MINPP1: variants seen among roughly 807,000 people sequenced by gnomAD.
MINPP1 encodes the protein multiple inositol-polyphosphate phosphatase 1.
A neutral mutation model predicts 46.1 loss-of-function variants in MINPP1; 28 were observed. The ratio of observed to expected loss-of-function variants is 0.61; its 90% CI spans 0.45 to 0.83. MINPP1 has a LOEUF of 0.83. Ranked by LOEUF, MINPP1 falls within the 40% of genes least tolerant of loss-of-function variation. The pLI is 0.00. For synonymous variants in MINPP1, 268 were observed against 249.1 expected, an observed-to-expected ratio of 1.08 and a Z score of -0.72; for missense variants, 603 against 610.0, an observed-to-expected ratio of 0.99 and a Z score of 0.12.
intron 4 of MINPP1, among the ~76,000 whole-genome samples, chr10:87,534,350 A>G (rs1851703873): frequency 6.6e-6 from 1 of 152,170 alleles, no homozygotes; most frequent in Non-Finnish European, 1.5e-5. Flanking sequence ...GGGGTGAGCC[A>G]CAGTGCCCGG....
At chr10:87,546,828 GC>G (rs974328749) in intron 4 of MINPP1, 26 of 152,228 alleles carry the variant, frequency 1.7e-4, no homozygotes, top group African/African-American at 6.0e-4. Flanking sequence ...TACTTGGGAG[GC>G]CTACGTGGGA....
intron 4 of MINPP1, among the ~76,000 whole-genome samples, chr10:87,528,696 G>A (rs1368784595): frequency 1.3e-5 from 2 of 152,178 alleles, no homozygotes; most frequent in Non-Finnish European, 2.9e-5. Flanking sequence ...TTGATTTGGG[G>A]TGGAGAGTTC....
chr10:87,508,936 G>A (rs1412138987), intron 2 of MINPP1, among the ~76,000 whole-genome samples: 3 of 152,114 alleles, frequency 2.0e-5, no homozygotes, highest in Non-Finnish European at 4.4e-5. Context: ...GTGTAAGAGG[G>A]GTAAGTTTTA....
chr10:87,540,017 C>T (rs1413816168), intron 4 of MINPP1, among the ~76,000 whole-genome samples: 1 of 152,224 alleles, frequency 6.6e-6, no homozygotes, highest in African/African-American at 2.4e-5. Flanking sequence ...CAGGCATGCG[C>T]CACAGCGCCT....
At chr10:87,548,349 A>ACTAG (rs1171095370) in intron 4 of MINPP1, among the ~76,000 whole-genome samples, 1 of 152,168 alleles carries the variant, frequency 6.6e-6, no homozygotes, top group African/African-American at 2.4e-5. Flanking sequence ...CCAAGAAGAA[A>ACTAG]CTAGCATGGT....
rs1378951044 is a variant in MINPP1, at chr10:87,553,221, T to C, written c.*743T>C. The C allele has an allele frequency of 2.6e-5, 4 of 152,120 alleles. No individual in the cohort carries two copies. Among genetic ancestry groups the C allele is most frequent in the East Asian group, 1.9e-4 (1 of 5,204 alleles). The allele number at this position is 152,120 out of a possible 1,614,324, so 9.4% of individuals were successfully genotyped here. A position where few individuals can be genotyped will look rare whatever the true frequency, so the allele number is the denominator to read the frequency against. On this transcript the variant is annotated 3_prime_UTR_variant, in exon 5 of 5. Transcript: ENST00000371996. ...ATCGAAGTTTTTCAAATCCATTGCT[T>C]AGCTAACTTTTTCATTCTGTCACTT...
chr10:87,507,040 A>G (rs1278430997), intron 1 of MINPP1, among the ~76,000 whole-genome samples: 1 of 152,224 alleles, frequency 6.6e-6, no homozygotes, highest in Non-Finnish European at 1.5e-5. Flanking sequence ...ACTTCCTGGA[A>G]CAAGTGAATT....
At chr10:87,535,377 C>G (rs1476914630) in intron 4 of MINPP1, among the ~76,000 whole-genome samples, 1 of 152,156 alleles carries the variant, frequency 6.6e-6, no homozygotes, top group East Asian at 1.9e-4. Flanking sequence ...TACTACTATG[C>G]TTTACACAAT....
intron 4 of MINPP1, among the ~76,000 whole-genome samples, chr10:87,523,517 ATTT>A (rs57091221): frequency 4.3e-5 from 6 of 141,030 alleles, no homozygotes; most frequent in Admixed American, 7.1e-5. Flanking sequence ...CACCCAGCTA[ATTT>A]TTTTTTTTTT....
Position 87,505,127 on chromosome 10 carries a change from C to T in MINPP1, c.212C>T (p.Pro71Leu), listed in dbSNP as rs1181911004. Reference protein sequence around the residue: ...LSGPEAPWRDPELLEGTCTPV... With the variant: ...LSGPEAPWRDLELLEGTCTPV... ...GGCCCCGAGGCTCCGTGGCGGGACC[C>T]TGAGCTGCTGGAGGGGACCTGCACC... is the stretch of plus-strand genomic sequence containing the variant. Residue 71 changes from proline to leucine, a missense_variant, in exon 1 of 5, where the codon CCT (proline) becomes CTT (leucine). This residue lies in a region of MINPP1 where 239 missense variants were observed against 189.4 expected (regional missense o/e 1.26). Transcript: ENST00000371996. This position sits in a 1 kb window ranked among gnomAD's most constrained non-coding sequence, Gnocchi z 4.4. 3 of 1,612,472 alleles carry T rather than the reference C, an allele frequency of 1.9e-6. No homozygotes were observed. The highest frequency in any genetic ancestry group is 1.1e-5 in the South Asian group (1 of 90,846).
Position 87,552,727 on chromosome 10 carries a change from G to T in MINPP1, c.*249G>T. The stretch of plus-strand genomic sequence containing the variant: ...ACAGCTGGCCCTGCAAATGTTTACA[G>T]AAATGAAATTCTTCCTACTTATATA... On this transcript the variant is annotated 3_prime_UTR_variant, in exon 5 of 5. Coordinates refer to ENST00000371996, the MANE Select transcript of MINPP1 (RefSeq NM_004897.5). 1 of 480,000 alleles carries T rather than the reference G, an allele frequency of 2.1e-6. No individual in the cohort carries two copies. Among genetic ancestry groups the T allele is most frequent in the Admixed American group, 3.6e-5 (1 of 27,504 alleles). 29.7% of individuals were successfully genotyped at this position (480,000 alleles called of 1,614,324 possible).
intron 4 of MINPP1, among the ~76,000 whole-genome samples, chr10:87,534,758 G>C (rs995467066): frequency 1.6e-4 from 24 of 152,186 alleles, no homozygotes; most frequent in Non-Finnish European, 1.9e-4. Context: ...TAAATAAGTA[G>C]AATAGGCTGT....
At chr10:87,520,813 A>T (rs143312265) in intron 3 of MINPP1, among the ~76,000 whole-genome samples, 1 of 152,212 alleles carries the variant, frequency 6.6e-6, no homozygotes, top group East Asian at 1.9e-4. Flanking sequence ...GCTCTTGCAC[A>T]CCAGCATCTA....
Position 87,505,142 on chromosome 10 carries a change from G to C in MINPP1, c.227G>C (p.Gly76Ala). The stretch of plus-strand genomic sequence containing the variant: ...TGGCGGGACCCTGAGCTGCTGGAGG[G>C]GACCTGCACCCCGGTGCAGCTGGTC... ...APWRDPELLEGTCTPVQLVAL... is the reference protein window; with the variant it reads ...APWRDPELLEATCTPVQLVAL... Residue 76 changes from glycine (G) to alanine (A), a missense_variant, in exon 1 of 5, where the codon GGG becomes GCG. This residue lies in a region of MINPP1 where 239 missense variants were observed against 189.4 expected (regional missense o/e 1.26). Transcript: ENST00000371996. This position sits in a 1 kb window ranked among gnomAD's most constrained non-coding sequence, Gnocchi z 4.4. 1.2e-6 allele frequency: 2 copies of C among 1,611,704 alleles called. No homozygotes were observed. Among genetic ancestry groups the C allele is most frequent in the Non-Finnish European group, 1.7e-6 (2 of 1,179,190 alleles).
chr10:87,542,129 G>A (rs1243313649), intron 4 of MINPP1, among the ~76,000 whole-genome samples: 3 of 152,142 alleles, frequency 2.0e-5, no homozygotes. Flanking sequence ...TCTTCCACCT[G>A]TGATCCTGTG....
rs562982384 is a variant in MINPP1, at chr10:87,536,061, A to T, written c.1067+14892A>T. Among the ~76,000 whole-genome samples, 196 of 152,358 alleles carry T rather than the reference A, an allele frequency of 1.3e-3. 1 individual carries two copies. Among genetic ancestry groups the T allele is most frequent in the African/African-American group, 3.0e-3 (123 of 41,588 alleles). On this transcript the variant is annotated intron_variant, in intron 4 of 4. Transcript: ENST00000371996. ...CTCCTTAATTAGAACATAGACAAGT[A>T]AAGTCTATTGTTATTTTTCAAGAAT...
At chr10:87,545,086 G>A (rs929365232) in intron 4 of MINPP1, among the ~76,000 whole-genome samples, 1 of 152,094 alleles carries the variant, frequency 6.6e-6, no homozygotes, top group African/African-American at 2.4e-5. Flanking sequence ...TTTAAAAATT[G>A]TATAAAACAT....
chr10:87,507,880 T>C, intron 1 of MINPP1: 1 of 1,099,884 alleles, frequency 9.1e-7, no homozygotes, highest in Non-Finnish European at 1.1e-6. Context: ...AGAATCTTTG[T>C]AAAGTAATAC....
chr10:87,507,207 A>C (rs2131797274), intron 1 of MINPP1, among the ~76,000 whole-genome samples: 2 of 152,330 alleles, frequency 1.3e-5, no homozygotes, highest in Admixed American at 1.3e-4. Flanking sequence ...TATAGACAAT[A>C]GTTTTGCCTA....
Sources: allele counts gnomAD v4.1 joint callset (sites outside exome capture counted in the v4.1 genomes callset), GRCh38; gene constraint gnomAD v4.1.1; regional missense constraint gnomAD v4.1.1; non-coding constraint Gnocchi (gnomAD v3.1); transcripts MANE v1.5; gene names NCBI Gene and HGNC (gene_info 2026-07-23, HGNC 2026-07-21).